Variants in FAM3C observed in about 807,000 individuals in gnomAD.
The protein encoded by FAM3C is protein FAM3C.
FAM3C carries 15 observed loss-of-function variants against 32.5 expected under a neutral mutation model. That is an observed-to-expected ratio of 0.46 (90% CI 0.31 to 0.71). FAM3C has a LOEUF of 0.71. Among genes scored for constraint, FAM3C ranks in the 30% least tolerant of loss-of-function variants. FAM3C has a pLI of 0.05. For missense variants in FAM3C, 175 were observed against 274.4 expected (o/e 0.64, Z 2.56); for synonymous variants, 75 against 86.1 (o/e 0.87, Z 0.72).
intron 5 of FAM3C, among the ~76,000 whole-genome samples, chr7:121,367,292 A>T (rs1004722569): frequency 6.6e-6 from 1 of 152,172 alleles, no homozygotes; most frequent in Non-Finnish European, 1.5e-5. Flanking sequence ...TTCATGTCCT[A>T]GTTATTAGTT....
intron 6 of FAM3C, 72 bp from the exon 7 acceptor site, chr7:121,363,019 T>C (rs1793956123): frequency 1.4e-6 from 1 of 711,464 alleles, no homozygotes; most frequent in Non-Finnish European, 2.4e-6. Context: ...AATAATCTCA[T>C]CCAATGATTG....
intron 5 of FAM3C, among the ~76,000 whole-genome samples, chr7:121,369,440 G>A (rs560219565): frequency 5.3e-5 from 8 of 152,166 alleles, no homozygotes; most frequent in Non-Finnish European, 7.3e-5. Flanking sequence ...ACTTTAACCT[G>A]AGGCTTGGGT....
In FAM3C at chr7:121,384,866, T is replaced by C. The variant is rs575947529; in HGVS notation, c.-41-1856A>G. Among the ~76,000 whole-genome samples, 8 of 152,342 alleles carry C rather than the reference T, an allele frequency of 5.3e-5. No individual in the cohort carries two copies. In the East Asian group the frequency reaches 5.8e-4, roughly 11 times the overall value. ...AAGAATCTACATCAGGATAGGAGTATTGAATATATTTGAGAGCAAATCAAG... is the reference window on the plus strand; with the variant it reads ...AAGAATCTACATCAGGATAGGAGTACTGAATATATTTGAGAGCAAATCAAG... On this transcript the variant is annotated intron_variant, in intron 1 of 9. Transcript: ENST00000359943.
intron 3 of FAM3C, 107 bp downstream of exon 3, chr7:121,378,803 A>T (rs917726): frequency 0.27 from 138,214 of 514,890 alleles, 19,885 homozygotes; most frequent in African/African-American, 0.43. Flanking sequence ...TGGATATATA[A>T]TAATCACATT....
chr7:121,383,796 TTAA>T (rs1285987537), intron 1 of FAM3C, among the ~76,000 whole-genome samples: 1 of 152,154 alleles, frequency 6.6e-6, no homozygotes, highest in Non-Finnish European at 1.5e-5. Context: ...ATAAGTAAGT[TTAA>T]TAAGAAAGCC....
At chr7:121,355,094 A>G (rs1352891182) in intron 8 of FAM3C, among the ~76,000 whole-genome samples, 1 of 152,212 alleles carries the variant, frequency 6.6e-6, no homozygotes, top group African/African-American at 2.4e-5. Flanking sequence ...AGTGTGAATA[A>G]CAAAGGGACT....
chr7:121,391,072 T>G (rs1731703046), intron 1 of FAM3C, among the ~76,000 whole-genome samples: 1 of 152,154 alleles, frequency 6.6e-6, no homozygotes. Context: ...GTACTAGATT[T>G]AATATTACTC....
chr7:121,381,546 GAA>G (rs1225370020), intron 2 of FAM3C, among the ~76,000 whole-genome samples: 4 of 151,980 alleles, frequency 2.6e-5, no homozygotes, highest in Admixed American at 2.6e-4. Context: ...AATTATGTGA[GAA>G]AGAGAAACTT....
chr7:121,363,073 G>T, intron 6 of FAM3C, 126 bp from the exon 7 acceptor site: 1 of 539,194 alleles, frequency 1.9e-6, no homozygotes, highest in South Asian at 2.8e-5. Flanking sequence ...ATTAGCATTA[G>T]AGAGATGTGA....
intron 7 of FAM3C, among the ~76,000 whole-genome samples, chr7:121,362,486 T>TA (rs763001832): frequency 6.6e-5 from 10 of 152,028 alleles, no homozygotes; most frequent in Non-Finnish European, 1.3e-4. Flanking sequence ...TTTTTGAGAC[T>TA]AAAAAATCAC....
At chr7:121,373,604 T>A (rs1226705464) in intron 3 of FAM3C, among the ~76,000 whole-genome samples, 2 of 152,258 alleles carry the variant, frequency 1.3e-5, no homozygotes, top group African/African-American at 2.4e-5. Context: ...CTTCAGTAAG[T>A]CGGGCTAATG....
intron 8 of FAM3C, among the ~76,000 whole-genome samples, chr7:121,355,971 G>C (rs1359005814): frequency 1.3e-5 from 2 of 151,342 alleles, no homozygotes; most frequent in African/African-American, 4.9e-5. Flanking sequence ...TGAAAATAAA[G>C]GCCTTCATTT....
intron 8 of FAM3C, 102 bp downstream of exon 8, chr7:121,359,941 T>C: frequency 1.4e-6 from 1 of 694,066 alleles, no homozygotes; most frequent in South Asian, 1.7e-5. Flanking sequence ...TACCTGGTAG[T>C]TTGATTACTT....
chr7:121,367,113 G>A (rs996722218), intron 5 of FAM3C, among the ~76,000 whole-genome samples: 3 of 152,072 alleles, frequency 2.0e-5, no homozygotes, highest in Non-Finnish European at 2.9e-5. Context: ...GATTTAAAAT[G>A]TATAAAGGTT....
At chr7:121,357,493 C>T (rs1793837679) in intron 8 of FAM3C, among the ~76,000 whole-genome samples, 1 of 151,842 alleles carries the variant, frequency 6.6e-6, no homozygotes, top group South Asian at 2.1e-4. Flanking sequence ...AGACACCTGC[C>T]AAGATAAAAG....
intron 8 of FAM3C, 47 bp from the exon 9 acceptor site, chr7:121,351,316 A>C (rs746198821): frequency 3.1e-5 from 47 of 1,539,144 alleles, no homozygotes; most frequent in Non-Finnish European, 4.1e-5. Context: ...AGGGAACTGT[A>C]TGCTAATACT....
Position 121,372,157 on chromosome 7 carries a change from C to T in FAM3C, c.119-18G>A, listed in dbSNP as rs757172199. On this transcript the variant is annotated intron_variant, in intron 3 of 9. Coordinates refer to ENST00000359943, the MANE Select transcript of FAM3C (RefSeq NM_014888.3). ...TGATCTTGCTGAAAAAAAAAAATTACTTTTGTTAGAAGGAATGAGTCTATT... is the reference window on the plus strand; with the variant it reads ...TGATCTTGCTGAAAAAAAAAAATTATTTTTGTTAGAAGGAATGAGTCTATT... 3.2e-6 allele frequency: 5 copies of T among 1,584,630 alleles called. No homozygotes were observed. In the South Asian group the frequency reaches 3.3e-5, roughly 11 times the overall value.
In FAM3C at chr7:121,350,512, T is replaced by C. The variant is rs772223536; in HGVS notation, c.633A>G (p.Gly211=). 30 of 1,612,816 alleles carry C rather than the reference T, an allele frequency of 1.9e-5. No individual in the cohort carries two copies. The highest frequency in any genetic ancestry group is 2.5e-5 in the Non-Finnish European group (30 of 1,179,394). ...KNNKDTNKYE[G]WPEVVEMEGC... ...CTTCCATTTCTACAACTTCAGGCCA[T>C]CCTTCATATTTGTTTGTATCCTTAT... Residue 211 remains glycine, a synonymous_variant, in exon 10 of 10, where the codon GGA becomes GGG. Coordinates refer to ENST00000359943, the MANE Select transcript of FAM3C (RefSeq NM_014888.3).
chr7:121,379,466 A>G (rs62476349), intron 2 of FAM3C, among the ~76,000 whole-genome samples: 4,460 of 152,182 alleles, frequency 0.029, 79 homozygotes, highest in Non-Finnish European at 0.045. Flanking sequence ...CTCAAGTGAC[A>G]TGTTACAGAT....
Sources: allele counts gnomAD v4.1 joint callset (sites outside exome capture counted in the v4.1 genomes callset), GRCh38; gene constraint gnomAD v4.1.1; transcripts MANE v1.5; gene names NCBI Gene and HGNC (gene_info 2026-07-23, HGNC 2026-07-21).